PHC3: variants seen among roughly 807,000 people sequenced by gnomAD.
PHC3 encodes polyhomeotic homolog 3, also known as polyhomeotic-like protein 3.
PHC3 carries 13 observed loss-of-function variants against 107.4 expected under a neutral mutation model. The observed-to-expected ratio is 0.12, with a 90% CI of 0.08 to 0.19. PHC3 has a LOEUF of 0.19. PHC3 is among the 10% of genes least tolerant of loss of function. PHC3 has a pLI of 1.00. For missense variants in PHC3, 992 were observed against 1,210.9 expected (o/e 0.82, Z 2.68); for synonymous variants, 456 against 427.4 (o/e 1.07, Z -0.83).
At chr3:170,121,828 C>CT (rs546849093) in intron 9 of PHC3, among the ~76,000 whole-genome samples, 165 of 152,288 alleles carry the variant, frequency 1.1e-3, no homozygotes, top group Non-Finnish European at 9.6e-4. Context: ...TAGAAATAGT[C>CT]TGACACATGA....
chr3:170,146,877 C>CTTTTTTTTTTTTTTTTTTTTTTTTTT (rs1035803336), intron 5 of PHC3, among the ~76,000 whole-genome samples: 1 of 97,998 alleles, frequency 1.0e-5, no homozygotes, highest in Non-Finnish European at 2.1e-5. Flanking sequence ...TCTATTTTTT[C>CTTTTTTTTTTTTTTTTTTTTTTTTTT]TTTTTTTTTT....
intron 11 of PHC3, among the ~76,000 whole-genome samples, chr3:170,112,218 C>A (rs530480683): frequency 6.6e-6 from 1 of 151,752 alleles, no homozygotes; most frequent in Non-Finnish European, 1.5e-5. Flanking sequence ...TACTTTATTT[C>A]ATTTTTTTTT....
At chr3:170,143,919 T>A (rs924920447) in intron 6 of PHC3, among the ~76,000 whole-genome samples, 1 of 152,190 alleles carries the variant, frequency 6.6e-6, no homozygotes, top group Non-Finnish European at 1.5e-5. Flanking sequence ...GAATTTCATA[T>A]AATGGAATCA....
intron 6 of PHC3, among the ~76,000 whole-genome samples, chr3:170,144,011 T>C (rs1422864444): frequency 6.6e-6 from 1 of 151,988 alleles, no homozygotes; most frequent in African/African-American, 2.4e-5. Flanking sequence ...TCATCAGTAT[T>C]TCTGAGCAGT....
intron 6 of PHC3, among the ~76,000 whole-genome samples, chr3:170,137,013 C>T (rs1723197040): frequency 6.6e-6 from 1 of 151,850 alleles, no homozygotes; most frequent in East Asian, 1.9e-4. Flanking sequence ...TATATATATA[C>T]AGACAGTGTG....
rs748881641 is a variant in PHC3 at position 170,117,385 on chromosome 3, T to C, written c.2034A>G (p.Pro678=). The change falls in exon 10 of 15, where the codon CCA becomes CCG. Residue 678 remains proline (P), a synonymous_variant. Coordinates refer to ENST00000495893, the MANE Select transcript of PHC3 (RefSeq NM_024947.4). ...DPSHVSVPPP[P]LLLPAATTRS... ...TTGTGGTGGCAGCTGGAAGTAACAATGGAGGTGGTGGAACAGAAACATGTG... is the reference window on the plus strand; with the variant it reads ...TTGTGGTGGCAGCTGGAAGTAACAACGGAGGTGGTGGAACAGAAACATGTG... 1.2e-6 allele frequency: 2 copies of C among 1,613,862 alleles called. No homozygotes were observed. The highest frequency in any genetic ancestry group is 1.7e-6 in the Non-Finnish European group (2 of 1,179,834).
At position 170,163,461 on chromosome 3, in the gene PHC3, A is replaced by AGTGTGTGTGT. The variant is rs56986650; in HGVS notation, c.414+7902_414+7911dup. Among the ~76,000 whole-genome samples the AGTGTGTGTGT allele has an allele frequency of 3.0e-3, 441 of 146,312 alleles. 1 individual carries two copies. The highest frequency in any genetic ancestry group is 0.01 in the African/African-American group (410 of 39,372). On this transcript the variant is annotated intron_variant, in intron 4 of 14. Coordinates refer to ENST00000495893, the MANE Select transcript of PHC3 (RefSeq NM_024947.4). ...GAAAATTCCCAAATATTTAGTAAAG[A>AGTGTGTGTGT]GTGTGTGTGTGTGTGTGTGTGTGTG...
At chr3:170,158,039 AC>A (rs1283689415) in intron 4 of PHC3, among the ~76,000 whole-genome samples, 2 of 152,040 alleles carry the variant, frequency 1.3e-5, no homozygotes, top group Non-Finnish European at 2.9e-5. Context: ...CAATAAAGAA[AC>A]AAACCATTTG....
Position 170,117,494 on chromosome 3 carries a change from A to C in PHC3, c.1943-18T>G. 6.3e-7 allele frequency: 1 copy of C among 1,581,864 alleles called. No individual in the cohort carries two copies. The highest frequency in any genetic ancestry group is 1.2e-5 in the South Asian group (1 of 85,848). On this transcript the variant is annotated intron_variant, in intron 9 of 14. Coordinates refer to ENST00000495893, the MANE Select transcript of PHC3 (RefSeq NM_024947.4). Reference sequence around the variant, plus strand: ...CACTTGCTCTGAAAAAAAAACCAAAAAGTCATTTAAAAATTTTTTTAGCAT... The same window carrying C: ...CACTTGCTCTGAAAAAAAAACCAAACAGTCATTTAAAAATTTTTTTAGCAT...
At chr3:170,157,179 ATTGATCT>A (rs1224630514) in intron 4 of PHC3, among the ~76,000 whole-genome samples, 2 of 152,230 alleles carry the variant, frequency 1.3e-5, no homozygotes, top group Admixed American at 1.3e-4. Flanking sequence ...CTTAAGTGAG[ATTGATCT>A]CTGTCTGCAA....
chr3:170,122,149 T>A (rs1396079796), intron 9 of PHC3, among the ~76,000 whole-genome samples: 5 of 152,158 alleles, frequency 3.3e-5, no homozygotes, highest in African/African-American at 4.8e-5. Context: ...ATTTGGAAGC[T>A]GGGGCAAAAG....
rs188687009 is a variant in PHC3 at position 170,171,825 on chromosome 3, A to C, written c.337-375T>G. 3.3e-5 allele frequency among the ~76,000 whole-genome samples: 5 copies of C among 152,328 alleles called. No individual in the cohort carries two copies. In the East Asian group the frequency reaches 9.6e-4, roughly 29 times the overall value. ...TTGTATCACAAACATGTTATTTAAA[A>C]ATTACACTACTAAGAAGCAACAGCT... On this transcript the variant is annotated intron_variant, in intron 3 of 14. Coordinates refer to ENST00000495893, the MANE Select transcript of PHC3 (RefSeq NM_024947.4).
At chr3:170,140,011 A>T (rs1723773823) in intron 6 of PHC3, among the ~76,000 whole-genome samples, 1 of 152,026 alleles carries the variant, frequency 6.6e-6, no homozygotes, top group Non-Finnish European at 1.5e-5. Context: ...ACTGTTATAG[A>T]GGGCTTCCCT....
chr3:170,162,442 G>T (rs1011850524), intron 4 of PHC3, among the ~76,000 whole-genome samples: 1 of 152,116 alleles, frequency 6.6e-6, no homozygotes, highest in Non-Finnish European at 1.5e-5. Context: ...ATACTATGGA[G>T]TCATCCTTGA....
intron 9 of PHC3, 95 bp downstream of exon 9, chr3:170,122,496 A>G (rs1402258650): frequency 7.5e-7 from 1 of 1,330,706 alleles, no homozygotes; most frequent in Non-Finnish European, 1.1e-6. Context: ...CCAGCTACAA[A>G]AAGGGTGAAA....
In PHC3 at chr3:170,090,763, T is replaced by TA. The variant is rs1422360776; in HGVS notation, c.*6466dup. On this transcript the variant is annotated 3_prime_UTR_variant, in exon 15 of 15. Coordinates refer to ENST00000495893, the MANE Select transcript of PHC3 (RefSeq NM_024947.4). The stretch of plus-strand genomic sequence containing the variant: ...ACCATACTGCATATCTGGAAGCTGT[T>TA]AAAACAGCTGAGTAATTGCCCAACA... 1 of 152,156 alleles carries TA rather than the reference T, an allele frequency of 6.6e-6. No individual in the cohort carries two copies. The highest frequency in any genetic ancestry group is 1.5e-5 in the Non-Finnish European group (1 of 68,030). 9.4% of individuals were successfully genotyped at this position (152,156 alleles called of 1,614,324 possible). A position where few individuals can be genotyped will look rare whatever the true frequency, so the allele number is the denominator to read the frequency against.
At chr3:170,159,940 TTTTC>T (rs1257978086) in intron 4 of PHC3, among the ~76,000 whole-genome samples, 3 of 152,338 alleles carry the variant, frequency 2.0e-5, no homozygotes, top group Non-Finnish European at 2.9e-5. Flanking sequence ...AAAGAGGTAA[TTTTC>T]AAGCCCACAA....
At chr3:170,128,279 G>T in intron 8 of PHC3, 1 of 1,055,064 alleles carries the variant, frequency 9.5e-7, no homozygotes, top group African/African-American at 1.7e-5. Flanking sequence ...GGTTAGGCTA[G>T]ATAAACCATA....
chr3:170,150,691 C>T lies in PHC3; in HGVS notation c.415-1447G>A, dbSNP rs149292651. 1,384 of 407,396 alleles carry T rather than the reference C, an allele frequency of 3.4e-3. 19 individuals are homozygous for T. Among genetic ancestry groups the T allele is most frequent in the African/African-American group, 0.027 (1,248 of 45,496 alleles). 25.2% of individuals were successfully genotyped at this position (407,396 alleles called of 1,614,324 possible). A position where few individuals can be genotyped will look rare whatever the true frequency, so the allele number is the denominator to read the frequency against. On this transcript the variant is annotated intron_variant, in intron 4 of 14. Transcript: ENST00000495893. ...TTGCGCCACTGCACTCCAGCCTGGG[C>T]GACAGAGCGACACTCCATCTAAAAA...
Sources: allele counts gnomAD v4.1 joint callset (sites outside exome capture counted in the v4.1 genomes callset), GRCh38; gene constraint gnomAD v4.1.1; transcripts MANE v1.5; gene names NCBI Gene and HGNC (gene_info 2026-07-23, HGNC 2026-07-21).